TRAPPC4: variants seen among roughly 807,000 people sequenced by gnomAD.
TRAPPC4 encodes the protein TRS23 homolog.
Under a neutral mutation model 23.5 loss-of-function variants are expected in TRAPPC4, and 30 were observed. The observed-to-expected ratio is 1.28, with a 90% confidence interval of 0.96 to 1.73. TRAPPC4 has a LOEUF of 1.73. Ranked by LOEUF, TRAPPC4 falls within the 40% of genes most tolerant of loss-of-function variation. The probability of loss-of-function intolerance (pLI) is 0.00; values close to 1 mark genes in which losing one functional copy is unlikely to be tolerated. For synonymous variants in TRAPPC4, 129 were observed against 105.3 expected (o/e 1.23, Z -1.38); for missense variants, 252 against 268.9 (o/e 0.94, Z 0.44).
intron 4 of TRAPPC4, 118 bp downstream of exon 4, chr11:119,022,004 G>T (rs1943371862): frequency 7.4e-7 from 1 of 1,356,250 alleles, no homozygotes; most frequent in Non-Finnish European, 1.0e-6. Flanking sequence ...TTGTTTTTGA[G>T]ACGGAGTTTC....
chr11:119,020,417 C>T (rs1482679838), intron 3 of TRAPPC4, 164 bp downstream of exon 3: 2 of 577,896 alleles, frequency 3.5e-6, no homozygotes, highest in Non-Finnish European at 6.2e-6. Context: ...GTGTGCTTTT[C>T]CTGGCACAAT....
chr11:119,022,507 A>C (rs1411271458), intron 4 of TRAPPC4, among the ~76,000 whole-genome samples: 2 of 152,064 alleles, frequency 1.3e-5, no homozygotes, highest in East Asian at 1.9e-4. Context: ...AGGATTGCTT[A>C]AACCTGGAAG....
rs1184048704 is a variant in TRAPPC4 at position 119,023,439 on chromosome 11, G to A, written c.*40G>A. 1 of 1,593,276 alleles carries A rather than the reference G, an allele frequency of 6.3e-7. No individual in the cohort carries two copies. Among genetic ancestry groups the A allele is most frequent in the Non-Finnish European group, 8.6e-7 (1 of 1,161,278 alleles). ...GGACCCCCAAATTCTGAGAGTTCCT[G>A]CAACAAGAATACTGCTGTTGACACT... On this transcript the variant is annotated 3_prime_UTR_variant, in exon 5 of 5. Transcript: ENST00000533632.
In TRAPPC4 at chr11:119,020,160, A is replaced by G. The variant is rs782388607; in HGVS notation, c.361A>G (p.Ile121Val). Residue 121 changes from isoleucine (I) to valine (V), a missense_variant, in exon 3 of 5, where the codon ATC becomes GTC. Physicochemically the swap from Ile to Val is conservative, Grantham distance 29 (BLOSUM62 3). Transcript: ENST00000533632. The part of the protein sequence containing the change: ...LASMFHSLFA[I>V]GSQLSPEQGS... ...CTCCTTTGCATATAGGCTCTTTGCC[A>G]TCGGCTCCCAGCTGTCTCCTGAACA... 6.2e-7 allele frequency: 1 copy of G among 1,613,718 alleles called. No homozygotes were observed. The highest frequency in any genetic ancestry group is 8.5e-7 in the Non-Finnish European group (1 of 1,179,782).
Position 119,019,461 on chromosome 11 carries a change from T to TGGGGA in TRAPPC4, c.350+149_350+153dup, listed in dbSNP as rs1943275303. The TGGGGA allele has an allele frequency of 6.7e-5, 61 of 913,600 alleles. No homozygotes were observed. In the South Asian group the frequency reaches 1.0e-3, roughly 15 times the overall value. The allele number at this position is 913,600 out of a possible 1,614,324, so 56.6% of individuals were successfully genotyped here. ...AGTGGTGTCATCTTTTTTTGCTGGG[T>TGGGGA]GGGGAGGGGCCGCGGAGTTACCCAG... On this transcript the variant is annotated intron_variant, in intron 2 of 4. Transcript: ENST00000533632.
intron 4 of TRAPPC4, 114 bp from the exon 5 acceptor site, chr11:119,023,207 C>G: frequency 1.0e-6 from 1 of 962,668 alleles, no homozygotes. Flanking sequence ...TCAGCTGATC[C>G]GCCCACCTCA....
At position 119,023,560 on chromosome 11, in the gene TRAPPC4, T is replaced by C; in HGVS notation, c.*161T>C. The C allele has an allele frequency of 1.6e-6, 1 of 629,594 alleles. No homozygotes were observed. Among genetic ancestry groups the C allele is most frequent in the Non-Finnish European group, 2.9e-6 (1 of 350,022 alleles). The allele number at this position is 629,594 out of a possible 1,614,324, so 39.0% of individuals were successfully genotyped here. On this transcript the variant is annotated 3_prime_UTR_variant, in exon 5 of 5. Transcript: ENST00000533632. ...TGATTCCTGAGCCTTAACACTGTGCTCTTTCCTTCTGTATATACCATGGTC... is the reference window on the plus strand; with the variant it reads ...TGATTCCTGAGCCTTAACACTGTGCCCTTTCCTTCTGTATATACCATGGTC...
chr11:119,019,268 C>T lies in TRAPPC4; in HGVS notation c.301C>T (p.Pro101Ser), dbSNP rs782020060. The change falls in exon 2 of 5, where the codon CCC (proline) becomes TCC (serine). Residue 101 changes from proline to serine, a missense_variant. Physicochemically the swap from Pro to Ser is moderately conservative, Grantham distance 74 (BLOSUM62 -1). This residue lies in a region of TRAPPC4 where 222 missense variants were observed against 217.8 expected (regional missense o/e 1.02). Coordinates refer to ENST00000533632, the MANE Select transcript of TRAPPC4 (RefSeq NM_016146.6). ...CCCGGTGTCCATTCGATTTGGCCGG[C>T]CCCGCCTCACTTCTAATGAGAAGCT... ...NYPVSIRFGR[P>S]RLTSNEKLML... 5.0e-6 allele frequency: 8 copies of T among 1,614,058 alleles called. No homozygotes were observed. Among genetic ancestry groups the T allele is most frequent in the Middle Eastern group, 3.3e-4 (2 of 6,082 alleles).
rs782704605 is a variant in TRAPPC4 at position 119,023,417 on chromosome 11, C to G, written c.*18C>G. 1.2e-6 allele frequency: 2 copies of G among 1,611,960 alleles called. No individual in the cohort carries two copies. Among genetic ancestry groups the G allele is most frequent in the Admixed American group, 3.3e-5 (2 of 59,972 alleles). ...GGTCATAGGCTGAACCTGTTATGGACCCCCAAATTCTGAGAGTTCCTGCAA... is the reference window on the plus strand; with the variant it reads ...GGTCATAGGCTGAACCTGTTATGGAGCCCCAAATTCTGAGAGTTCCTGCAA... On this transcript the variant is annotated 3_prime_UTR_variant, in exon 5 of 5. Coordinates refer to ENST00000533632, the MANE Select transcript of TRAPPC4 (RefSeq NM_016146.6).
intron 4 of TRAPPC4, among the ~76,000 whole-genome samples, chr11:119,022,218 A>G (rs1160170599): frequency 6.6e-6 from 1 of 152,188 alleles, no homozygotes; most frequent in Non-Finnish European, 1.5e-5. Context: ...TCCCGGCCTC[A>G]GGTGATCCAC....
rs1432806785 is a variant in TRAPPC4, at chr11:119,021,860, A to G, written c.555A>G (p.Pro185=). ...ACTCAGACTTTGCCCTCAAGAATCC[A>G]TTCTATTCCTTAGAAATGCCTATCA... The part of the protein sequence containing the change: ...EIYSDFALKN[P]FYSLEMPIRC... Residue 185 remains proline, a synonymous_variant, in exon 4 of 5, where the codon CCA becomes CCG. Coordinates refer to ENST00000533632, the MANE Select transcript of TRAPPC4 (RefSeq NM_016146.6). 2 of 1,614,212 alleles carry G rather than the reference A, an allele frequency of 1.2e-6. No homozygotes were observed. The highest frequency in any genetic ancestry group is 1.7e-6 in the Non-Finnish European group (2 of 1,180,020).
At position 119,023,579 on chromosome 11, in the gene TRAPPC4, C is replaced by T. The variant is rs1209769371; in HGVS notation, c.*180C>T. 1.8e-6 allele frequency: 1 copy of T among 544,032 alleles called. No individual in the cohort carries two copies. Among genetic ancestry groups the T allele is most frequent in the Non-Finnish European group, 3.3e-6 (1 of 298,916 alleles). 33.7% of individuals were successfully genotyped at this position (544,032 alleles called of 1,614,324 possible). A position where few individuals can be genotyped will look rare whatever the true frequency, so the allele number is the denominator to read the frequency against. ...CTGTGCTCTTTCCTTCTGTATATAC[C>T]ATGGTCTTACTTTCCAACTCTGTAC... On this transcript the variant is annotated 3_prime_UTR_variant, in exon 5 of 5. Coordinates refer to ENST00000533632, the MANE Select transcript of TRAPPC4 (RefSeq NM_016146.6).
At chr11:119,019,448 T>C in intron 2 of TRAPPC4, 131 bp downstream of exon 2, 1 of 1,039,306 alleles carries the variant, frequency 9.6e-7, no homozygotes. Flanking sequence ...TGGTGTCATC[T>C]TTTTTTGCTG....
At chr11:119,022,169 A>C (rs1199015487) in intron 4 of TRAPPC4, among the ~76,000 whole-genome samples, 1 of 152,118 alleles carries the variant, frequency 6.6e-6, no homozygotes, top group Non-Finnish European at 1.5e-5. Context: ...TTTCTAGTAA[A>C]GACAAGGTTT....
intron 3 of TRAPPC4, 25 bp downstream of exon 3, chr11:119,020,278 G>A (rs782380323): frequency 1.3e-6 from 2 of 1,562,954 alleles, no homozygotes; most frequent in African/African-American, 2.7e-5. Flanking sequence ...GGAGGCCAGA[G>A]GAGTGTGATG....
rs782458231 is a variant in TRAPPC4 at position 119,018,956 on chromosome 11, G to T, written c.161G>T (p.Arg54Leu). The change falls in exon 1 of 5, where the codon CGG (arginine) becomes CTG (leucine). Residue 54 changes from arginine to leucine, a missense_variant. Physicochemically the swap from Arg to Leu is moderately radical, Grantham distance 102. Around this residue, in one of 3 missense-constraint regions of TRAPPC4, gnomAD observed 222 missense variants for 217.8 expected, o/e 1.02. Transcript: ENST00000533632. ...DERVLVAFGQ[R>L]DGIRVGHAVL... is the part of the protein sequence containing the mutation. ...CGTGTGTTGGTTGCTTTCGGCCAGC[G>T]GGACGGCATCCGAGGTGGGCTAGGC... The T allele has an allele frequency of 6.2e-7, 1 of 1,612,132 alleles. No individual in the cohort carries two copies. The highest frequency in any genetic ancestry group is 2.2e-5 in the East Asian group (1 of 44,876).
intron 2 of TRAPPC4, chr11:119,019,819 A>G (rs144431274): frequency 4.8e-6 from 1 of 207,708 alleles, no homozygotes; most frequent in African/African-American, 2.7e-5. Flanking sequence ...CAGTTTAACT[A>G]AATGACCTTT....
chr11:119,018,855 C>T lies in TRAPPC4; in HGVS notation c.60C>T (p.Asp20=). 6.2e-7 allele frequency: 1 copy of T among 1,614,230 alleles called. No homozygotes were observed. Among genetic ancestry groups the T allele is most frequent in the Non-Finnish European group, 8.5e-7 (1 of 1,180,042 alleles). ...CTGGCGGCTTGATTTACCAGTTGGA[C>T]AGCTACGCGCCACGGGCTGAGGCTG... ...NKAGGLIYQL[D]SYAPRAEAEK... is the part of the protein sequence containing the mutation. Residue 20 remains aspartate, a synonymous_variant, in exon 1 of 5, where the codon GAC becomes GAT. Transcript: ENST00000533632.
chr11:119,023,057 C>T (rs111345266), intron 4 of TRAPPC4: 27,945 of 245,212 alleles, frequency 0.11, 1,877 homozygotes, highest in Middle Eastern at 0.17. Flanking sequence ...CTCTGCCTTC[C>T]GGGTTCAGGC....
Sources: allele counts gnomAD v4.1 joint callset (sites outside exome capture counted in the v4.1 genomes callset), GRCh38; gene constraint gnomAD v4.1.1; regional missense constraint gnomAD v4.1.1; transcripts MANE v1.5; gene names NCBI Gene and HGNC (gene_info 2026-07-23, HGNC 2026-07-21).